PRDM5: variants seen among roughly 807,000 people sequenced by gnomAD.
PRDM5 encodes PR domain zinc finger protein 5.
Under a neutral mutation model 81.2 loss-of-function variants are expected in PRDM5, and 56 were observed. That is an observed-to-expected ratio of 0.69 (90% confidence interval 0.56 to 0.86). PRDM5 has a LOEUF of 0.86. PRDM5 is among the 40% of genes least tolerant of loss of function. The probability of loss-of-function intolerance (pLI) is 0.00; values close to 1 mark genes in which losing one functional copy is unlikely to be tolerated. For missense variants in PRDM5, 697 were observed against 770.1 expected (o/e 0.91, Z 1.12); for synonymous variants, 267 against 256.4 (o/e 1.04, Z -0.39).
At chr4:120,735,121 G>A (rs561362991) in intron 14 of PRDM5, among the ~76,000 whole-genome samples, 16 of 152,170 alleles carry the variant, frequency 1.1e-4, no homozygotes, top group Non-Finnish European at 1.9e-4. Flanking sequence ...ACAACTGTTT[G>A]AAGTCATTGT....
chr4:120,782,045 A>G (rs926884851), intron 11 of PRDM5, among the ~76,000 whole-genome samples: 16 of 151,482 alleles, frequency 1.1e-4, no homozygotes, highest in Non-Finnish European at 2.4e-4. Flanking sequence ...TAGAAATCTT[A>G]TGGTACTTTC....
intron 13 of PRDM5, among the ~76,000 whole-genome samples, chr4:120,766,537 G>T (rs1048333646): frequency 1.7e-4 from 26 of 152,048 alleles, no homozygotes; most frequent in Non-Finnish European, 2.9e-4. Flanking sequence ...ATCTTCAATT[G>T]GTTGATATAT....
intron 14 of PRDM5, among the ~76,000 whole-genome samples, chr4:120,725,027 G>T (rs920648958): frequency 1.3e-4 from 20 of 152,164 alleles, no homozygotes; most frequent in African/African-American, 4.6e-4. Context: ...AGTTGTCCTG[G>T]CAGAGATCTT....
intron 14 of PRDM5, among the ~76,000 whole-genome samples, chr4:120,740,318 A>G (rs910843388): frequency 1.3e-5 from 2 of 152,242 alleles, no homozygotes; most frequent in African/African-American, 2.4e-5. Flanking sequence ...CTCCATATTC[A>G]TAATAAACTA....
intron 2 of PRDM5, among the ~76,000 whole-genome samples, chr4:120,897,696 ATTCT>A (rs1352192640): frequency 1.3e-5 from 2 of 152,060 alleles, no homozygotes; most frequent in Non-Finnish European, 2.9e-5. Flanking sequence ...CTTTTCATTC[ATTCT>A]GTCTTTTGCT....
chr4:120,742,811 C>T (rs564158496), intron 14 of PRDM5, among the ~76,000 whole-genome samples: 3 of 152,022 alleles, frequency 2.0e-5, no homozygotes, highest in African/African-American at 7.2e-5. Flanking sequence ...GATTGGTGTA[C>T]CTGAAAGTGA....
intron 10 of PRDM5, among the ~76,000 whole-genome samples, chr4:120,791,336 G>T (rs1442827839): frequency 1.3e-5 from 2 of 152,142 alleles, no homozygotes; most frequent in Admixed American, 6.6e-5. Flanking sequence ...CATATGTTAA[G>T]GCAAAGAAGT....
chr4:120,702,811 T>C (rs1050134286), intron 15 of PRDM5, among the ~76,000 whole-genome samples: 1 of 152,240 alleles, frequency 6.6e-6, no homozygotes, highest in African/African-American at 2.4e-5. Context: ...CCATGTTCTA[T>C]TTCTCTCGCC....
intron 8 of PRDM5, among the ~76,000 whole-genome samples, chr4:120,807,023 A>G (rs1344677199): frequency 5.2e-5 from 8 of 152,384 alleles, no homozygotes; most frequent in Non-Finnish European, 1.2e-4. Context: ...AAACAACCCC[A>G]TCAAAAAGTG....
intron 3 of PRDM5, among the ~76,000 whole-genome samples, chr4:120,821,844 A>G (rs1755322206): frequency 6.6e-6 from 1 of 152,174 alleles, no homozygotes. Flanking sequence ...CGAAATAGAA[A>G]AAATACTAGA....
At chr4:120,805,434 T>A (rs1752771640) in intron 8 of PRDM5, among the ~76,000 whole-genome samples, 1 of 152,136 alleles carries the variant, frequency 6.6e-6, no homozygotes, top group African/African-American at 2.4e-5. Flanking sequence ...CTGAAGAACA[T>A]CGATGCAAAA....
At chr4:120,786,033 T>C (rs1749720120) in intron 10 of PRDM5, among the ~76,000 whole-genome samples, 1 of 152,174 alleles carries the variant, frequency 6.6e-6, no homozygotes, top group Non-Finnish European at 1.5e-5. Flanking sequence ...ATAAGTCTCA[T>C]AAATGCTAAA....
chr4:120,822,651 A>G (rs1420029696), intron 3 of PRDM5, among the ~76,000 whole-genome samples: 1 of 152,226 alleles, frequency 6.6e-6, no homozygotes, highest in Non-Finnish European at 1.5e-5. Context: ...GAGGGGCTAT[A>G]TTCAACATTG....
At chr4:120,741,721 G>C (rs1742016172) in intron 14 of PRDM5, among the ~76,000 whole-genome samples, 1 of 152,106 alleles carries the variant, frequency 6.6e-6, no homozygotes, top group African/African-American at 2.4e-5. Context: ...TTTTCCGACA[G>C]GCTTAAAAAA....
chr4:120,879,971 C>T (rs1487851708), intron 2 of PRDM5, among the ~76,000 whole-genome samples: 3 of 152,038 alleles, frequency 2.0e-5, no homozygotes, highest in Non-Finnish European at 2.9e-5. Flanking sequence ...TCTGTCAGAA[C>T]CCATAGAATG....
chr4:120,717,079 A>AAC (rs1169003997), intron 14 of PRDM5, among the ~76,000 whole-genome samples: 1 of 146,244 alleles, frequency 6.8e-6, no homozygotes, highest in Non-Finnish European at 1.5e-5. Flanking sequence ...AAAAAAAAAA[A>AAC]CTTCATTGCC....
chr4:120,880,581 A>T (rs1762749881), intron 2 of PRDM5, among the ~76,000 whole-genome samples: 1 of 152,172 alleles, frequency 6.6e-6, no homozygotes, highest in South Asian at 2.1e-4. Context: ...AAATCTTTGA[A>T]ATCTGGTTGT....
intron 1 of PRDM5, among the ~76,000 whole-genome samples, chr4:120,915,267 C>A (rs1188052648): frequency 6.6e-6 from 1 of 152,142 alleles, no homozygotes; most frequent in East Asian, 1.9e-4. Context: ...CACTAGCTTA[C>A]CTGTGGCCAG....
intron 13 of PRDM5, 126 bp from the exon 14 acceptor site, chr4:120,754,764 C>T: frequency 2.7e-6 from 2 of 732,660 alleles, no homozygotes; most frequent in Non-Finnish European, 4.9e-6. Context: ...AGAAGTGGCT[C>T]CAGGCACAGC....
Sources: gnomAD v4.1 joint callset for allele counts (sites outside exome capture counted in the v4.1 genomes callset) on GRCh38, gnomAD v4.1.1 for gene constraint, MANE v1.5 for transcripts, NCBI Gene and HGNC (gene_info 2026-07-23, HGNC 2026-07-21) for gene names.